The following CDH19 variants were observed in gnomAD, a reference collection of about 807,000 sequenced individuals.
The protein encoded by CDH19 is cadherin-19.
A neutral mutation model predicts 64.2 loss-of-function variants in CDH19; 67 were observed. That is an observed-to-expected ratio of 1.04 (90% CI 0.86 to 1.28). The LOEUF (loss-of-function observed/expected upper bound fraction) is 1.28, where lower values mean the gene tolerates loss of function less well. CDH19 is among the 50% of genes most tolerant of loss of function. The pLI is 0.00. For missense variants in CDH19, 1,030 were observed against 929.0 expected (o/e 1.11, Z -1.41); for synonymous variants, 346 against 319.3 (o/e 1.08, Z -0.89).
At chr18:66,551,512 G>GA (rs1027458628) in intron 4 of CDH19, among the ~76,000 whole-genome samples, 2 of 151,508 alleles carry the variant, frequency 1.3e-5, no homozygotes, top group African/African-American at 2.4e-5. Flanking sequence ...TCCACAGGTA[G>GA]AAAAAAAAGA....
intron 3 of CDH19, among the ~76,000 whole-genome samples, chr18:66,561,592 CT>C (rs1447361672): frequency 6.6e-6 from 1 of 151,982 alleles, no homozygotes; most frequent in Non-Finnish European, 1.5e-5. Flanking sequence ...TGAAAAAATG[CT>C]TTTTGGGGGA....
rs1988066480 is a variant in CDH19, at chr18:66,570,488, C to T, written c.195+1522G>A. 2.0e-5 allele frequency among the ~76,000 whole-genome samples: 3 copies of T among 151,660 alleles called. No homozygotes were observed. The South Asian group carries it at 6.2e-4, about 31-fold the overall frequency. ...CTATCAATTTGCTAAACAAATATCA[C>T]TTCAAATTTTCACTTAATTGTACTT... On this transcript the variant is annotated intron_variant, in intron 2 of 11. Transcript: ENST00000262150.
intron 11 of CDH19, 86 bp from the exon 12 acceptor site, chr18:66,505,388 A>G: frequency 9.3e-7 from 1 of 1,080,704 alleles, no homozygotes; most frequent in Non-Finnish European, 1.3e-6. Context: ...CAAGCTCAAG[A>G]TGAGTGCTTA....
chr18:66,569,071 T>C (rs533146778), intron 2 of CDH19, among the ~76,000 whole-genome samples: 1 of 151,726 alleles, frequency 6.6e-6, no homozygotes, highest in African/African-American at 2.4e-5. Context: ...CTAGATTGGG[T>C]CCTTGAGATA....
chr18:66,538,736 A>C (rs920230287), intron 7 of CDH19, among the ~76,000 whole-genome samples: 33 of 152,210 alleles, frequency 2.2e-4, no homozygotes, highest in African/African-American at 7.7e-4. Context: ...GCTTCCTTTG[A>C]AGCCTGTAGG....
chr18:66,561,855 G>A (rs1353307912), intron 3 of CDH19, among the ~76,000 whole-genome samples: 2 of 151,954 alleles, frequency 1.3e-5, no homozygotes, highest in Non-Finnish European at 1.5e-5. Flanking sequence ...TTCCATTATT[G>A]TGTGGACAGT....
At chr18:66,532,946 T>A (rs746101852) in intron 8 of CDH19, among the ~76,000 whole-genome samples, 1 of 151,784 alleles carries the variant, frequency 6.6e-6, no homozygotes, top group Non-Finnish European at 1.5e-5. Flanking sequence ...AGAACATGTA[T>A]ATATTGGATT....
At position 66,572,280 on chromosome 18, in the gene CDH19, T is replaced by C. The variant is rs1470771533; in HGVS notation, c.-76A>G. ...TCACTAACAAAAATCTTGCTTTCTT[T>C]TATAATCTTTTCTGATTCTGTGTAC... is the stretch of plus-strand genomic sequence containing the variant. On this transcript the variant is annotated 5_prime_UTR_variant, in exon 2 of 12. Coordinates refer to ENST00000262150, the MANE Select transcript of CDH19 (RefSeq NM_021153.4). 1.7e-6 allele frequency: 2 copies of C among 1,165,120 alleles called. No homozygotes were observed. The highest frequency in any genetic ancestry group is 2.4e-6 in the Non-Finnish European group (2 of 819,098). 72.2% of individuals were successfully genotyped at this position (1,165,120 alleles called of 1,614,324 possible). A position where few individuals can be genotyped will look rare whatever the true frequency, so the allele number is the denominator to read the frequency against.
In CDH19 at chr18:66,559,845, T is replaced by C. The variant is rs1037240504; in HGVS notation, c.491-5321A>G. ...AATGATATAAGTAAATAGATGAAAA[T>C]ACTGGATTTAGGAATTAGATGACTA... On this transcript the variant is annotated intron_variant, in intron 3 of 11. Coordinates refer to ENST00000262150, the MANE Select transcript of CDH19 (RefSeq NM_021153.4). 3.3e-5 allele frequency among the ~76,000 whole-genome samples: 5 copies of C among 151,738 alleles called. No individual in the cohort carries two copies. In the South Asian group the frequency reaches 6.2e-4, roughly 19 times the overall value.
chr18:66,552,807 G>A (rs115031529), intron 4 of CDH19, among the ~76,000 whole-genome samples: 1,669 of 134,206 alleles, frequency 0.012, 507 homozygotes, highest in African/African-American at 0.054. Context: ...GGGGCTGGGG[G>A]TGGAAAGAAA....
chr18:66,581,792 C>T (rs78694346), intron 1 of CDH19, among the ~76,000 whole-genome samples: 1,780 of 152,148 alleles, frequency 0.012, 27 homozygotes, highest in African/African-American at 0.041. Context: ...TTGCAGAGGG[C>T]CTATCTGGGA....
intron 1 of CDH19, chr18:66,596,123 T>A (rs1238466395): frequency 6.6e-6 from 1 of 151,954 alleles, no homozygotes; most frequent in African/African-American, 2.4e-5. Flanking sequence ...CTCTTCATAT[T>A]AAAAACCCTG....
intron 3 of CDH19, among the ~76,000 whole-genome samples, chr18:66,563,027 T>G (rs1024394621): frequency 6.6e-6 from 1 of 152,120 alleles, no homozygotes; most frequent in Non-Finnish European, 1.5e-5. Context: ...ACAACTTTAT[T>G]AAATGATGTT....
chr18:66,594,238 A>G lies in CDH19; in HGVS notation c.-113+9716T>C, dbSNP rs140367661. 6.9e-4 allele frequency among the ~76,000 whole-genome samples: 105 copies of G among 152,280 alleles called. No homozygotes were observed. The South Asian group carries it at 0.011, about 16-fold the overall frequency. On this transcript the variant is annotated intron_variant, in intron 1 of 11. Transcript: ENST00000262150. ...ATTATACTAAATATATATGCACCCA[A>G]CACTGGAGAACCAAGATTTAGAAAC... is the stretch of plus-strand genomic sequence containing the variant.
intron 1 of CDH19, among the ~76,000 whole-genome samples, chr18:66,597,069 G>A (rs1251544940): frequency 5.6e-5 from 5 of 89,246 alleles, no homozygotes; most frequent in Non-Finnish European, 1.1e-4. Context: ...GCGACAGAGC[G>A]AGACTCCATC....
chr18:66,529,912 T>C lies in CDH19; in HGVS notation c.1391A>G (p.Asn464Ser), dbSNP rs771188088. The change falls in exon 9 of 12, where the codon AAT becomes AGT. Residue 464 changes from asparagine to serine, a missense_variant. Transcript: ENST00000262150. ...IPLYVQVLNI[N>S]DHAPEFSQYY... ...TTGAGAGAACTCAGGAGCATGATCA[T>C]TGATGTTAAGAACTTGCACATACAG... 5 of 1,586,692 alleles carry C rather than the reference T, an allele frequency of 3.2e-6. No individual in the cohort carries two copies. The highest frequency in any genetic ancestry group is 4.6e-5 in the East Asian group (2 of 43,750).
At chr18:66,538,422 A>G (rs1369685392) in intron 7 of CDH19, among the ~76,000 whole-genome samples, 1 of 152,122 alleles carries the variant, frequency 6.6e-6, no homozygotes, top group Non-Finnish European at 1.5e-5. Flanking sequence ...CCGCCTTCAC[A>G]TAATGACACA....
intron 5 of CDH19, among the ~76,000 whole-genome samples, chr18:66,550,280 T>C (rs1242425727): frequency 6.6e-6 from 1 of 152,200 alleles, no homozygotes; most frequent in Non-Finnish European, 1.5e-5. Context: ...TGTGTTTATG[T>C]TTAGCTTGCA....
At chr18:66,600,807 T>C (rs1234455584) in intron 1 of CDH19, among the ~76,000 whole-genome samples, 1 of 151,912 alleles carries the variant, frequency 6.6e-6, no homozygotes, top group East Asian at 1.9e-4. Flanking sequence ...AATCCTCATA[T>C]GCCTACAGGG....
Sources: allele counts gnomAD v4.1 joint callset (sites outside exome capture counted in the v4.1 genomes callset), GRCh38; gene constraint gnomAD v4.1.1; transcripts MANE v1.5; gene names NCBI Gene and HGNC (gene_info 2026-07-23, HGNC 2026-07-21).